PLD1: variants seen among roughly 807,000 people sequenced by gnomAD.
The protein encoded by PLD1 is phospholipase D1, also known as choline phosphatase 1.
Under a neutral mutation model 137.1 loss-of-function variants are expected in PLD1, and 112 were observed. The ratio of observed to expected loss-of-function variants is 0.82; its 90% CI spans 0.70 to 0.96. PLD1 has a LOEUF of 0.96. Ranked by LOEUF, PLD1 falls within the 40% of genes least tolerant of loss-of-function variation. The probability of loss-of-function intolerance (pLI) is 0.00; values close to 1 mark genes in which losing one functional copy is unlikely to be tolerated. For synonymous variants in PLD1, 431 were observed against 454.7 expected, an observed-to-expected ratio of 0.95 and a Z score of 0.66; for missense variants, 1,321 against 1,342.0, an observed-to-expected ratio of 0.98 and a Z score of 0.24.
chr3:171,612,575 G>A lies in PLD1; in HGVS notation c.2729-143C>T. 1.4e-6 allele frequency: 1 copy of A among 707,720 alleles called. No homozygotes were observed. The allele number at this position is 707,720 out of a possible 1,614,324, so 43.8% of individuals were successfully genotyped here. A position where few individuals can be genotyped will look rare whatever the true frequency, so the allele number is the denominator to read the frequency against. On this transcript the variant is annotated intron_variant, in intron 24 of 26. Transcript: ENST00000351298. This position sits in a 1 kb window ranked among gnomAD's most constrained non-coding sequence, Gnocchi z 4.1. ...GGAAGATGTGTTTTTAGGGAGGTGG[G>A]GCCCTCCCTAACCCAGGGGTGAATC...
At chr3:171,717,634 T>G (rs1330297304) in intron 8 of PLD1, among the ~76,000 whole-genome samples, 1 of 152,232 alleles carries the variant, frequency 6.6e-6, no homozygotes, top group African/African-American at 2.4e-5. Context: ...GGGCAAAGAC[T>G]GTGGAGTTTT....
chr3:171,619,277 AT>A (rs1291307465), intron 24 of PLD1, among the ~76,000 whole-genome samples: 1 of 152,168 alleles, frequency 6.6e-6, no homozygotes, highest in Non-Finnish European at 1.5e-5. Flanking sequence ...AGTCAAAATA[AT>A]TCAATGATGG....
At chr3:171,671,654 CAA>C (rs1222128501) in intron 19 of PLD1, among the ~76,000 whole-genome samples, 2 of 151,968 alleles carry the variant, frequency 1.3e-5, no homozygotes, top group Admixed American at 6.6e-5. Context: ...ATGCATAAAA[CAA>C]GAGATTCTCT....
chr3:171,656,919 A>G (rs1393761073), intron 21 of PLD1, among the ~76,000 whole-genome samples: 1 of 152,188 alleles, frequency 6.6e-6, no homozygotes, highest in Non-Finnish European at 1.5e-5. Flanking sequence ...CCTGCATCCA[A>G]TGGCTGGTCA....
At chr3:171,721,830 A>T (rs1178198204) in intron 8 of PLD1, among the ~76,000 whole-genome samples, 1 of 151,214 alleles carries the variant, frequency 6.6e-6, no homozygotes, top group African/African-American at 2.4e-5. Context: ...AAAAATTTTC[A>T]GTTTTCTTTA....
intron 23 of PLD1, among the ~76,000 whole-genome samples, chr3:171,632,958 G>A (rs7634685): frequency 0.079 from 12,045 of 152,196 alleles, 1,353 homozygotes; most frequent in African/African-American, 0.25. Flanking sequence ...TAACTCTTAC[G>A]AAGTAATTAA....
At chr3:171,786,727 T>C (rs140414411) in intron 1 of PLD1, among the ~76,000 whole-genome samples, 98 of 152,268 alleles carry the variant, frequency 6.4e-4, no homozygotes, top group African/African-American at 2.2e-3. Context: ...AATTACTTAC[T>C]CAAAATACAA....
At chr3:171,698,044 A>G (rs893286837) in intron 12 of PLD1, among the ~76,000 whole-genome samples, 4 of 152,244 alleles carry the variant, frequency 2.6e-5, no homozygotes, top group African/African-American at 9.6e-5. Flanking sequence ...GCAAGGCTGG[A>G]AAAATGTACT....
intron 24 of PLD1, among the ~76,000 whole-genome samples, chr3:171,619,928 A>T (rs1036086445): frequency 6.6e-6 from 1 of 152,174 alleles, no homozygotes; most frequent in Non-Finnish European, 1.5e-5. Flanking sequence ...AAAATTAAAA[A>T]AAAAAGGGAG....
chr3:171,648,863 T>C (rs967252064), intron 21 of PLD1, among the ~76,000 whole-genome samples: 1 of 152,226 alleles, frequency 6.6e-6, no homozygotes. Context: ...CAGAACATAG[T>C]TACTTTTTAA....
chr3:171,728,201 T>A (rs1353810674), intron 6 of PLD1, among the ~76,000 whole-genome samples: 3 of 151,986 alleles, frequency 2.0e-5, no homozygotes, highest in Admixed American at 6.6e-5. Context: ...TCCCAGCTAC[T>A]CAGGAGGCAG....
chr3:171,613,441 A>C (rs1234795121), intron 24 of PLD1, among the ~76,000 whole-genome samples: 1 of 152,208 alleles, frequency 6.6e-6, no homozygotes. Flanking sequence ...TTTTGGAGTT[A>C]AGAATCAGGC....
chr3:171,739,295 T>G (rs546933741), intron 1 of PLD1, among the ~76,000 whole-genome samples: 1 of 152,330 alleles, frequency 6.6e-6, no homozygotes, highest in East Asian at 1.9e-4. Flanking sequence ...CAGCCCTTAT[T>G]ATAACTCAAT....
chr3:171,700,418 A>G (rs2108543184), intron 11 of PLD1, among the ~76,000 whole-genome samples: 1 of 151,854 alleles, frequency 6.6e-6, no homozygotes, highest in African/African-American at 2.4e-5. Context: ...TCTCAGAGAA[A>G]GCCCTGCCCA....
intron 6 of PLD1, among the ~76,000 whole-genome samples, chr3:171,730,571 T>G (rs1718857298): frequency 6.6e-6 from 1 of 152,012 alleles, no homozygotes; most frequent in South Asian, 2.1e-4. Flanking sequence ...ATAATGTCAG[T>G]GCTTAGAACC....
chr3:171,786,712 C>T (rs1168234357), intron 1 of PLD1, among the ~76,000 whole-genome samples: 1 of 152,014 alleles, frequency 6.6e-6, no homozygotes, highest in East Asian at 1.9e-4. Flanking sequence ...GCTTCTGTGT[C>T]GTTTAATTAC....
chr3:171,710,490 G>A (rs1016873280), intron 9 of PLD1, among the ~76,000 whole-genome samples: 4 of 152,164 alleles, frequency 2.6e-5, no homozygotes, highest in Non-Finnish European at 5.9e-5. Flanking sequence ...CCGAGATCCC[G>A]CGCATGTGCA....
At chr3:171,633,941 C>A (rs1157289127) in intron 23 of PLD1, among the ~76,000 whole-genome samples, 1 of 152,150 alleles carries the variant, frequency 6.6e-6, no homozygotes, top group Non-Finnish European at 1.5e-5. Flanking sequence ...GGAATTTTAA[C>A]ATATTCATAG....
intron 1 of PLD1, among the ~76,000 whole-genome samples, chr3:171,768,021 T>C (rs1578446936): frequency 6.6e-6 from 1 of 151,718 alleles, no homozygotes; most frequent in African/African-American, 2.4e-5. Flanking sequence ...ATTATTATTA[T>C]TATTATTATT....
Sources: gnomAD v4.1 joint callset for allele counts (sites outside exome capture counted in the v4.1 genomes callset) on GRCh38, gnomAD v4.1.1 for gene constraint, Gnocchi (gnomAD v3.1) non-coding constraint, MANE v1.5 for transcripts, NCBI Gene and HGNC (gene_info 2026-07-23, HGNC 2026-07-21) for gene names.